CFLAR: variants seen among roughly 807,000 people sequenced by gnomAD.
The protein encoded by CFLAR is CASP8 and FADD like apoptosis regulator, also known as CASP8 and FADD-like apoptosis regulator.
In CFLAR, 14 loss-of-function variants were observed where a neutral mutation model predicts 51.1. The observed-to-expected ratio is 0.27, with a 90% CI of 0.18 to 0.43. The LOEUF (loss-of-function observed/expected upper bound fraction) is 0.43. CFLAR is among the 20% of genes least tolerant of loss of function. The pLI is 1.00. For synonymous variants in CFLAR, 210 were observed against 211.6 expected (o/e 0.99, Z 0.06); for missense variants, 390 against 566.5 (o/e 0.69, Z 3.16).
Position 201,163,862 on chromosome 2 carries a change from T to C in CFLAR, c.1332T>C (p.Ile444=). Residue 444 remains isoleucine, a synonymous_variant, in exon 10 of 10, where the codon ATT becomes ATC. Coordinates refer to ENST00000309955, the MANE Select transcript of CFLAR (RefSeq NM_003879.7). ...AACGCCCACTCCTGGATCTTCACAT[T>C]GAACTCAATGGCTACATGTATGATT... is the stretch of plus-strand genomic sequence containing the variant. ...ERKRPLLDLH[I]ELNGYMYDWN... is the part of the protein sequence containing the mutation. 3 of 1,613,532 alleles carry C rather than the reference T, an allele frequency of 1.9e-6. No homozygotes were observed. The highest frequency in any genetic ancestry group is 2.5e-6 in the Non-Finnish European group (3 of 1,179,844).
In CFLAR at chr2:201,149,566, C is replaced by T. The variant is rs746080238; in HGVS notation, c.712-188C>T. 246 of 493,740 alleles carry T rather than the reference C, an allele frequency of 5.0e-4. 1 individual carries two copies. The highest frequency in any genetic ancestry group is 7.9e-4 in the Non-Finnish European group (219 of 275,754). The allele number at this position is 493,740 out of a possible 1,614,324, so 30.6% of individuals were successfully genotyped here. On this transcript the variant is annotated intron_variant, in intron 7 of 9. Coordinates refer to ENST00000309955, the MANE Select transcript of CFLAR (RefSeq NM_003879.7). ...AAATGAAAATAATTTGTCTTAAGCA[C>T]ATTACCCTAATAGAGGAAAAATTTG...
At chr2:201,161,184 C>G (rs1304175851) in intron 9 of CFLAR, among the ~76,000 whole-genome samples, 3 of 152,090 alleles carry the variant, frequency 2.0e-5, no homozygotes, top group African/African-American at 7.2e-5. Context: ...TCAGCCTGGG[C>G]AACAAAGTGA....
chr2:201,166,954 G>GAGAGAGAGAGGGAGACCGTGGT lies in CFLAR; in HGVS notation c.*2981_*2982insAGAGAGAGAGGGAGACCGTGGT. ...GCTCGGCATCAGAGGGAGACCGTGG[G>GAGAGAGAGAGGGAGACCGTGGT]GAGAGGGAGAAGAGAGGGAGGGGGA... On this transcript the variant is annotated 3_prime_UTR_variant, in exon 10 of 10. Coordinates refer to ENST00000309955, the MANE Select transcript of CFLAR (RefSeq NM_003879.7). 1 of 57,768 alleles carries GAGAGAGAGAGGGAGACCGTGGT rather than the reference G, an allele frequency of 1.7e-5. No individual in the cohort carries two copies. The highest frequency in any genetic ancestry group is 6.3e-5 in the African/African-American group (1 of 15,812). The allele number at this position is 57,768 out of a possible 1,614,324, so 3.6% of individuals were successfully genotyped here.
intron 8 of CFLAR, chr2:201,151,215 T>C (rs771851947): frequency 6.6e-6 from 1 of 152,214 alleles, no homozygotes; most frequent in African/African-American, 2.4e-5. Flanking sequence ...ATGATTCTTT[T>C]GCTCAGTTGT....
chr2:201,163,571 C>T, intron 9 of CFLAR: 1 of 1,249,494 alleles, frequency 8.0e-7, no homozygotes, highest in Non-Finnish European at 1.0e-6. Context: ...AGCCCATCCC[C>T]ATTTGCATAG....
At chr2:201,153,411 CCCT>C (rs1003570644) in intron 8 of CFLAR, 7 of 152,306 alleles carry the variant, frequency 4.6e-5, no homozygotes, top group African/African-American at 1.7e-4. Context: ...CTCTTCATTT[CCCT>C]CCTCCTCTCC....
intron 8 of CFLAR, among the ~76,000 whole-genome samples, chr2:201,158,336 G>C: frequency 6.6e-6 from 1 of 152,240 alleles, no homozygotes; most frequent in East Asian, 1.9e-4. Context: ...GCACAGTACA[G>C]CATTTGTTCT....
At position 201,133,147 on chromosome 2, in the gene CFLAR, C is replaced by T. The variant is rs373386010; in HGVS notation, c.387+13C>T. Reference sequence around the variant, plus strand: ...AAGCAAGGAGAAGGTGAGTTTTCTTCTTTTGGTTCATGGCCCCAGGAGCCT... The same window carrying T: ...AAGCAAGGAGAAGGTGAGTTTTCTTTTTTTGGTTCATGGCCCCAGGAGCCT... On this transcript the variant is annotated intron_variant, in intron 3 of 9. Transcript: ENST00000309955. The T allele has an allele frequency of 5.6e-6, 9 of 1,604,784 alleles. No homozygotes were observed. The highest frequency in any genetic ancestry group is 1.1e-5 in the South Asian group (1 of 90,818).
chr2:201,164,124 G>A lies in CFLAR; in HGVS notation c.*151G>A, dbSNP rs1451281575. 3 of 542,804 alleles carry A rather than the reference G, an allele frequency of 5.5e-6. No homozygotes were observed. The highest frequency in any genetic ancestry group is 1.9e-5 in the African/African-American group (1 of 52,198). The allele number at this position is 542,804 out of a possible 1,614,324, so 33.6% of individuals were successfully genotyped here. On this transcript the variant is annotated 3_prime_UTR_variant, in exon 10 of 10. Coordinates refer to ENST00000309955, the MANE Select transcript of CFLAR (RefSeq NM_003879.7). ...TAGTAAAAATACAAAAATTAGCTGG[G>A]TGTGGGTGTGGGTACCTGTATTCCC... is the stretch of plus-strand genomic sequence containing the variant.
At chr2:201,153,733 T>G (rs1218187687) in intron 8 of CFLAR, 2 of 152,176 alleles carry the variant, frequency 1.3e-5, no homozygotes, top group East Asian at 3.8e-4. Flanking sequence ...GCTCAGAGTA[T>G]ATAATTTATT....
rs145890747 is a variant in CFLAR, at chr2:201,161,989, C to T, written c.1304+1047C>T. 3.5e-3 allele frequency among the ~76,000 whole-genome samples: 536 copies of T among 151,950 alleles called. 4 individuals are homozygous for T. Among genetic ancestry groups the T allele is most frequent in the African/African-American group, 0.011 (466 of 41,464 alleles). On this transcript the variant is annotated intron_variant, in intron 9 of 9. Coordinates refer to ENST00000309955, the MANE Select transcript of CFLAR (RefSeq NM_003879.7). The stretch of plus-strand genomic sequence containing the variant: ...TCTGCAACTCCTGGCCTCAAGTGAT[C>T]CACGTACCTCGGCCTGCCAAAGTGC...
chr2:201,140,519 A>G, intron 5 of CFLAR, 80 bp downstream of exon 5: 3 of 1,020,518 alleles, frequency 2.9e-6, no homozygotes, highest in South Asian at 3.2e-5. Flanking sequence ...TTCTCACAGC[A>G]TGTACTTTAT....
intron 8 of CFLAR, among the ~76,000 whole-genome samples, chr2:201,150,925 C>G (rs1023269458): frequency 6.6e-6 from 1 of 152,138 alleles, no homozygotes; most frequent in South Asian, 2.1e-4. Flanking sequence ...CTTAGTCTTG[C>G]CTTTTCTTTT....
chr2:201,157,586 G>A, intron 8 of CFLAR, among the ~76,000 whole-genome samples: 1 of 151,998 alleles, frequency 6.6e-6, no homozygotes, highest in Non-Finnish European at 1.5e-5. Context: ...GTGATGCCCA[G>A]GGTGGTCTCA....
intron 2 of CFLAR, 143 bp from the exon 3 acceptor site, chr2:201,132,886 T>C: frequency 1.4e-6 from 1 of 707,186 alleles, no homozygotes; most frequent in East Asian, 2.8e-5. Context: ...GATCTAGGCT[T>C]GCTGTTTTAT....
intron 4 of CFLAR, chr2:201,137,497 T>G (rs2050296017): frequency 1.7e-6 from 1 of 599,084 alleles, no homozygotes; most frequent in Non-Finnish European, 3.1e-6. Context: ...CTCCACCATC[T>G]CGCCCTGCAC....
rs1238445484 is a variant in CFLAR at position 201,119,939 on chromosome 2, A to G, written c.-138+3458A>G. The stretch of plus-strand genomic sequence containing the variant: ...TTTTTTGGTTTATTTTCTAGTTTGC[A>G]AGATATTTCATTTTTTAAAATTGTG... On this transcript the variant is annotated intron_variant, in intron 1 of 9. Transcript: ENST00000309955. Among the ~76,000 whole-genome samples, 7 of 151,138 alleles carry G rather than the reference A, an allele frequency of 4.6e-5. No individual in the cohort carries two copies. In the East Asian group the frequency reaches 1.4e-3, roughly 29 times the overall value.
At chr2:201,140,563 A>G (rs377345370) in intron 5 of CFLAR, 124 bp downstream of exon 5, 3 of 684,294 alleles carry the variant, frequency 4.4e-6, no homozygotes, top group Non-Finnish European at 7.2e-6. Context: ...AGAAATGTGT[A>G]TTTGTTTTAA....
chr2:201,136,351 C>T, intron 4 of CFLAR: 1 of 1,598,472 alleles, frequency 6.3e-7, no homozygotes, highest in Non-Finnish European at 8.5e-7. Flanking sequence ...CTTAACATTT[C>T]AGTCTTCAAG....
Sources: gnomAD v4.1 joint callset for allele counts (sites outside exome capture counted in the v4.1 genomes callset) on GRCh38, gnomAD v4.1.1 for gene constraint, MANE v1.5 for transcripts, NCBI Gene and HGNC (gene_info 2026-07-23, HGNC 2026-07-21) for gene names.